The following SHISA9 variants were observed in gnomAD, a reference collection of about 807,000 sequenced individuals.
The protein encoded by SHISA9 is shisa family member 9.
In SHISA9, 13 loss-of-function variants were observed where a neutral mutation model predicts 38.0. The ratio of observed to expected loss-of-function variants is 0.34; its 90% CI spans 0.22 to 0.54. The LOEUF is 0.54. SHISA9 is among the 20% of genes least tolerant of loss of function. The pLI is 0.91. For missense variants in SHISA9, 538 were observed against 575.8 expected, an observed-to-expected ratio of 0.93 and a Z score of 0.67; for synonymous variants, 275 against 242.0, an observed-to-expected ratio of 1.14 and a Z score of -1.27.
intron 4 of SHISA9, among the ~76,000 whole-genome samples, chr16:13,229,241 C>G (rs948541147): frequency 1.3e-5 from 2 of 152,180 alleles, no homozygotes; most frequent in Admixed American, 6.5e-5. Flanking sequence ...AAAGTCATAC[C>G]TCATCTTGGA....
At chr16:13,539,549 T>C in the SHISA9 span, among the ~76,000 whole-genome samples, 4 of 152,006 alleles carry the variant, frequency 2.6e-5, no homozygotes, top group East Asian at 7.8e-4. Context: ...GCTTTTAATC[T>C]AATACTTTTT....
At chr16:13,226,459 C>T (rs138676351) in intron 4 of SHISA9, among the ~76,000 whole-genome samples, 4 of 152,250 alleles carry the variant, frequency 2.6e-5, no homozygotes, top group African/African-American at 9.6e-5. Context: ...CATTAGATGG[C>T]CTGAGGATCC....
At chr16:13,498,925 G>T in the SHISA9 span, among the ~76,000 whole-genome samples, 3 of 152,148 alleles carry the variant, frequency 2.0e-5, no homozygotes, top group South Asian at 6.2e-4. Flanking sequence ...GGCCTGTCCT[G>T]CCTTCTTTTT....
chr16:13,423,080 G>A, the SHISA9 span, among the ~76,000 whole-genome samples: 2 of 152,328 alleles, frequency 1.3e-5, no homozygotes, highest in East Asian at 1.9e-4. Context: ...ACCTTAAAAT[G>A]AGAGGAAGGA....
At chr16:13,224,436 G>A (rs1376390255) in intron 4 of SHISA9, among the ~76,000 whole-genome samples, 1 of 152,200 alleles carries the variant, frequency 6.6e-6, no homozygotes, top group African/African-American at 2.4e-5. Flanking sequence ...TCAGTCTTCG[G>A]TGATACAGAC....
intron 3 of SHISA9, 44 bp from the exon 4 acceptor site, chr16:13,213,209 C>T (rs900702533): frequency 6.5e-7 from 1 of 1,539,098 alleles, no homozygotes; most frequent in Admixed American, 2.0e-5. Flanking sequence ...ACATGGGTGC[C>T]CTGCAAACAG....
At chr16:13,116,635 G>T (rs2074033217) in intron 2 of SHISA9, among the ~76,000 whole-genome samples, 1 of 152,134 alleles carries the variant, frequency 6.6e-6, no homozygotes, top group East Asian at 1.9e-4. Flanking sequence ...GAGCATGGTG[G>T]GTGCTCAGCA....
At chr16:12,909,482 G>T (rs184287173) in intron 1 of SHISA9, 4 of 985,428 alleles carry the variant, frequency 4.1e-6, no homozygotes, top group Admixed American at 1.2e-4. Flanking sequence ...TCTGAGTTCT[G>T]TTTGGAAATA....
At chr16:13,476,729 C>A in the SHISA9 span, among the ~76,000 whole-genome samples, 1 of 137,322 alleles carries the variant, frequency 7.3e-6, no homozygotes, top group Non-Finnish European at 1.6e-5. Context: ...TCAAGCACGC[C>A]TGTTTTGTGT....
intron 2 of SHISA9, among the ~76,000 whole-genome samples, chr16:12,975,674 G>A (rs2072151519): frequency 2.0e-5 from 3 of 150,218 alleles, no homozygotes; most frequent in Non-Finnish European, 4.4e-5. Flanking sequence ...GTAAGGGCAT[G>A]TCACTATGAA....
the SHISA9 span, among the ~76,000 whole-genome samples, chr16:13,281,009 A>T: frequency 2.0e-5 from 3 of 151,808 alleles, no homozygotes; most frequent in African/African-American, 7.2e-5. Context: ...TTCTTATTTT[A>T]TTTTTTATTT....
At chr16:13,130,729 T>G (rs2050299218) in intron 2 of SHISA9, among the ~76,000 whole-genome samples, 1 of 152,214 alleles carries the variant, frequency 6.6e-6, no homozygotes, top group African/African-American at 2.4e-5. Context: ...TTGTGTACCA[T>G]GCAATCTCTG....
In SHISA9 at chr16:13,015,150, C is replaced by T. The variant is rs919875951; in HGVS notation, c.691+98335C>T. 4.9e-4 allele frequency among the ~76,000 whole-genome samples: 75 copies of T among 152,316 alleles called. 1 individual carries two copies. The highest frequency in any genetic ancestry group is 1.8e-3 in the African/African-American group (73 of 41,578). Reference sequence around the variant, plus strand: ...ACTGCAGCCTATGGGCCAAATCTGGCCTGCCGCCTGTTTTATTTTTACTGG... The same window carrying T: ...ACTGCAGCCTATGGGCCAAATCTGGTCTGCCGCCTGTTTTATTTTTACTGG... On this transcript the variant is annotated intron_variant, in intron 2 of 4. Coordinates refer to ENST00000558583, the MANE Select transcript of SHISA9 (RefSeq NM_001145204.3).
rs555840946 is a variant in SHISA9 at position 13,000,781 on chromosome 16, C to A, written c.691+83966C>A. Among the ~76,000 whole-genome samples the A allele has an allele frequency of 3.0e-3, 453 of 152,306 alleles. 3 individuals carry two copies. The highest frequency in any genetic ancestry group is 0.011 in the African/African-American group (437 of 41,572). ...CATTATGATTGTTATGACTGATTTA[C>A]CCCCTTGGCATTTAAACTCAGACAC... On this transcript the variant is annotated intron_variant, in intron 2 of 4. Coordinates refer to ENST00000558583, the MANE Select transcript of SHISA9 (RefSeq NM_001145204.3).
chr16:13,086,558 C>T (rs73518777), intron 2 of SHISA9, among the ~76,000 whole-genome samples: 2,092 of 152,102 alleles, frequency 0.014, 47 homozygotes, highest in African/African-American at 0.047. Flanking sequence ...AGATAAGAAA[C>T]ATGCTTCAGT....
chr16:13,377,130 G>A, the SHISA9 span, among the ~76,000 whole-genome samples: 2 of 152,224 alleles, frequency 1.3e-5, no homozygotes, highest in South Asian at 2.1e-4. Context: ...CATACCAGTG[G>A]TGGAGAAATG....
chr16:13,080,404 C>T (rs548254014), intron 2 of SHISA9, among the ~76,000 whole-genome samples: 1 of 152,194 alleles, frequency 6.6e-6, no homozygotes, highest in African/African-American at 2.4e-5. Context: ...AAAAACACCA[C>T]CACTTGGTCA....
chr16:13,309,311 CA>C, the SHISA9 span, among the ~76,000 whole-genome samples: 115 of 152,200 alleles, frequency 7.6e-4, no homozygotes, highest in African/African-American at 2.7e-3. Context: ...ACCCGTGTAG[CA>C]AACCTGCACA....
chr16:13,384,389 A>G, the SHISA9 span, among the ~76,000 whole-genome samples: 2 of 152,238 alleles, frequency 1.3e-5, no homozygotes, highest in African/African-American at 4.8e-5. Flanking sequence ...CTCTCTGGCC[A>G]GGTGATCCCT....
Sources: gnomAD v4.1 joint callset for allele counts (sites outside exome capture counted in the v4.1 genomes callset) on GRCh38, gnomAD v4.1.1 for gene constraint, MANE v1.5 for transcripts, NCBI Gene and HGNC (gene_info 2026-07-23, HGNC 2026-07-21) for gene names.